CTNNA2: variants seen among roughly 807,000 people sequenced by gnomAD.
CTNNA2 encodes the protein catenin alpha 2.
Under a neutral mutation model 101.0 loss-of-function variants are expected in CTNNA2, and 42 were observed. The ratio of observed to expected loss-of-function variants is 0.42; its 90% CI spans 0.32 to 0.54. CTNNA2 has a LOEUF of 0.54. Among genes scored for constraint, CTNNA2 ranks in the 20% least tolerant of loss-of-function variants. The pLI, the probability that CTNNA2 is intolerant of heterozygous loss-of-function variation, is 0.14. For synonymous variants in CTNNA2, 450 were observed against 456.4 expected, an observed-to-expected ratio of 0.99 and a Z score of 0.18; for missense variants, 871 against 1,223.1, an observed-to-expected ratio of 0.71 and a Z score of 4.29.
At chr2:79,377,734 A>G (rs1167640954) in intron 4 of CTNNA2, among the ~76,000 whole-genome samples, 2 of 152,170 alleles carry the variant, frequency 1.3e-5, no homozygotes, top group Non-Finnish European at 2.9e-5. Context: ...TACTCATTGC[A>G]TGCATAGCAT....
At chr2:80,264,858 G>T (rs1298608478) in intron 7 of CTNNA2, among the ~76,000 whole-genome samples, 1 of 152,082 alleles carries the variant, frequency 6.6e-6, no homozygotes, top group Non-Finnish European at 1.5e-5. Context: ...GATTGAAAAT[G>T]AAGCCAAACA....
intron 2 of CTNNA2, among the ~76,000 whole-genome samples, chr2:79,742,993 T>C (rs1671397609): frequency 6.6e-6 from 1 of 152,222 alleles, no homozygotes; most frequent in Admixed American, 6.5e-5. Context: ...CGGATATTAA[T>C]TGTGACTTTG....
chr2:79,999,530 A>T (rs1279530272), intron 7 of CTNNA2, among the ~76,000 whole-genome samples: 2 of 152,070 alleles, frequency 1.3e-5, no homozygotes, highest in South Asian at 4.2e-4. Context: ...AGAGAAAATA[A>T]AGAAGGAGCC....
chr2:80,300,281 G>GGGGTGTGTGT (rs1353283390), intron 7 of CTNNA2, among the ~76,000 whole-genome samples: 73 of 93,160 alleles, frequency 7.8e-4, no homozygotes, highest in Middle Eastern at 6.9e-3. Context: ...GGGGTGTTGG[G>GGGGTGTGTGT]GTGTGTGTGT....
intron 3 of CTNNA2, among the ~76,000 whole-genome samples, chr2:79,827,997 C>G (rs1678576094): frequency 6.6e-6 from 1 of 152,152 alleles, no homozygotes; most frequent in Non-Finnish European, 1.5e-5. Flanking sequence ...GAAACTGTCT[C>G]TTATGCATTC....
At chr2:80,585,194 T>C (rs1695875358) in intron 14 of CTNNA2, among the ~76,000 whole-genome samples, 1 of 152,178 alleles carries the variant, frequency 6.6e-6, no homozygotes, top group Non-Finnish European at 1.5e-5. Flanking sequence ...AATTGGAAGA[T>C]AATTATATCA....
chr2:80,538,577 G>C (rs750824749), intron 9 of CTNNA2, among the ~76,000 whole-genome samples: 2 of 152,082 alleles, frequency 1.3e-5, no homozygotes, highest in Non-Finnish European at 2.9e-5. Flanking sequence ...CTGTTCCATT[G>C]GTCTATATGT....
intron 8 of CTNNA2, among the ~76,000 whole-genome samples, chr2:80,395,582 A>T (rs1229409579): frequency 6.6e-6 from 1 of 152,168 alleles, no homozygotes; most frequent in Non-Finnish European, 1.5e-5. Flanking sequence ...TGCAATGACT[A>T]ATTTGTTTGG....
chr2:79,671,840 G>A (rs1682861426), intron 2 of CTNNA2, among the ~76,000 whole-genome samples: 1 of 152,190 alleles, frequency 6.6e-6, no homozygotes, highest in Admixed American at 6.5e-5. Flanking sequence ...CACATTGCAT[G>A]TGGATTACCT....
rs564777857 is a variant in CTNNA2, at chr2:79,323,167, TA to T, written c.-318+10373del. 1.4e-4 allele frequency among the ~76,000 whole-genome samples: 22 copies of T among 152,332 alleles called. No homozygotes were observed. The South Asian group carries it at 4.6e-3, about 32-fold the overall frequency. ...CCAAACCTGATCACAGAGCAGGATC[TA>T]ACATCAGCCACTCCCTAGTGGTAGA... is the stretch of plus-strand genomic sequence containing the variant. On this transcript the variant is annotated intron_variant, in intron 3 of 21. Coordinates refer to the CTNNA2 transcript ENST00000466387.
chr2:79,424,961 T>A (rs2104505189), intron 4 of CTNNA2, among the ~76,000 whole-genome samples: 1 of 152,230 alleles, frequency 6.6e-6, no homozygotes, highest in East Asian at 1.9e-4. Context: ...CAAGTCAGTA[T>A]CCAGACAGAA....
chr2:79,363,192 T>C (rs908948689), intron 3 of CTNNA2, among the ~76,000 whole-genome samples: 8 of 152,206 alleles, frequency 5.3e-5, no homozygotes, highest in African/African-American at 1.7e-4. Context: ...GATGACTCAG[T>C]TTCTAGTGAG....
chr2:79,668,759 A>G (rs1177944355), intron 2 of CTNNA2, among the ~76,000 whole-genome samples: 2 of 152,232 alleles, frequency 1.3e-5, no homozygotes. Flanking sequence ...ATGCAGATGC[A>G]GCCACAATCT....
rs554187989 is a variant in CTNNA2 at position 80,229,690 on chromosome 2, G to A, written c.1057-163521G>A. ...CCTGGCCATTGGTGATGGGACAGGG[G>A]ATTGAAAGTTCCAACCCTCTAATCA... On this transcript the variant is annotated intron_variant, in intron 7 of 18. Coordinates refer to ENST00000402739, the MANE Select transcript of CTNNA2 (RefSeq NM_001282597.3). Among the ~76,000 whole-genome samples, 17 of 152,230 alleles carry A rather than the reference G, an allele frequency of 1.1e-4. No homozygotes were observed. In the East Asian group the frequency reaches 3.3e-3, roughly 30 times the overall value.
chr2:80,609,444 T>TAA (rs1453706711), intron 17 of CTNNA2, among the ~76,000 whole-genome samples: 1 of 151,706 alleles, frequency 6.6e-6, no homozygotes, highest in Non-Finnish European at 1.5e-5. Context: ...GCCCAGTAAA[T>TAA]TGGCTATTTT....
At chr2:80,459,453 A>G (rs1444228945) in intron 9 of CTNNA2, among the ~76,000 whole-genome samples, 1 of 152,198 alleles carries the variant, frequency 6.6e-6, no homozygotes, top group Non-Finnish European at 1.5e-5. Flanking sequence ...GGCACCATGT[A>G]CATTTTTGAA....
intron 18 of CTNNA2, among the ~76,000 whole-genome samples, chr2:80,625,896 T>C (rs1025222760): frequency 1.3e-5 from 2 of 152,092 alleles, no homozygotes; most frequent in African/African-American, 4.8e-5. Flanking sequence ...TAACTTAATT[T>C]CTTTATAATT....
chr2:79,910,088 T>G (rs558297094), intron 7 of CTNNA2, among the ~76,000 whole-genome samples: 2 of 152,264 alleles, frequency 1.3e-5, no homozygotes, highest in African/African-American at 4.8e-5. Flanking sequence ...TTGAAGTAGG[T>G]AAGATTTCAA....
At chr2:79,439,366 C>A (rs965838198) in intron 4 of CTNNA2, among the ~76,000 whole-genome samples, 5 of 152,226 alleles carry the variant, frequency 3.3e-5, no homozygotes, top group African/African-American at 1.2e-4. Flanking sequence ...CCAAAACAGG[C>A]AAATCCATAG....
Sources: gnomAD v4.1 joint callset for allele counts (sites outside exome capture counted in the v4.1 genomes callset) on GRCh38, gnomAD v4.1.1 for gene constraint, MANE v1.5 for transcripts, NCBI Gene and HGNC (gene_info 2026-07-23, HGNC 2026-07-21) for gene names.